The following AP2A2 variants were observed in gnomAD, a reference collection of about 807,000 sequenced individuals.
AP2A2 encodes AP-2 complex subunit alpha-2.
AP2A2 carries 32 observed loss-of-function variants against 104.2 expected under a neutral mutation model. The ratio of observed to expected loss-of-function variants is 0.31; its 90% CI spans 0.23 to 0.41. The LOEUF is 0.41. AP2A2 is among the 10% of genes least tolerant of loss of function. AP2A2 has a pLI of 1.00. For synonymous variants in AP2A2, 539 were observed against 533.3 expected (o/e 1.01, Z -0.15); for missense variants, 912 against 1,261.0 (o/e 0.72, Z 4.19).
At chr11:998,526 A>C (rs991477071) in intron 14 of AP2A2, among the ~76,000 whole-genome samples, 1 of 151,908 alleles carries the variant, frequency 6.6e-6, no homozygotes, top group Non-Finnish European at 1.5e-5. Context: ...ATTACAAACT[A>C]ATTTTTTACC....
At chr11:1,000,667 G>T (rs1038989176) in intron 15 of AP2A2, 69 bp downstream of exon 15, 6 of 1,463,246 alleles carry the variant, frequency 4.1e-6, no homozygotes, top group Admixed American at 2.2e-5. Flanking sequence ...TGGTGTGGCC[G>T]CGGCCAGCTG....
chr11:960,223 A>G (rs1008038442), intron 2 of AP2A2, among the ~76,000 whole-genome samples: 1 of 149,786 alleles, frequency 6.7e-6, no homozygotes, highest in Admixed American at 6.8e-5. Flanking sequence ...TTGAGAATGG[A>G]TATCCAGTAG....
Position 1,010,643 on chromosome 11 carries a change from C to G in AP2A2, c.*18C>G, listed in dbSNP as rs763950230. On this transcript the variant is annotated 3_prime_UTR_variant, in exon 22 of 22. Transcript: ENST00000448903. ...AGTTTTAGTCCTGAGGATGGAAGACCAGGCTCGTGTGTCTTGTGTTGTCTT... is the reference window on the plus strand; with the variant it reads ...AGTTTTAGTCCTGAGGATGGAAGACGAGGCTCGTGTGTCTTGTGTTGTCTT... 6.4e-7 allele frequency: 1 copy of G among 1,569,334 alleles called. No homozygotes were observed. The highest frequency in any genetic ancestry group is 8.7e-7 in the Non-Finnish European group (1 of 1,153,866).
chr11:957,384 C>A (rs1854272343), intron 1 of AP2A2, among the ~76,000 whole-genome samples: 1 of 152,190 alleles, frequency 6.6e-6, no homozygotes, highest in Non-Finnish European at 1.5e-5. Context: ...GATCTAAACC[C>A]AGCAGGGCCT....
chr11:994,022 G>A (rs1855756292), intron 13 of AP2A2, 37 bp downstream of exon 13: 2 of 1,609,342 alleles, frequency 1.2e-6, no homozygotes, highest in Non-Finnish European at 1.7e-6. Flanking sequence ...GCTTGGCTGA[G>A]GGTTGGAGGC....
chr11:1,004,725 G>C (rs1005317740), intron 16 of AP2A2, among the ~76,000 whole-genome samples: 2 of 150,566 alleles, frequency 1.3e-5, no homozygotes, highest in African/African-American at 4.9e-5. Context: ...GCAGTGAGCT[G>C]AGATCTTGCC....
chr11:984,455 C>T (rs538824411), intron 6 of AP2A2, among the ~76,000 whole-genome samples, 190 bp from the exon 7 acceptor site: 144 of 152,246 alleles, frequency 9.5e-4, no homozygotes, highest in Middle Eastern at 3.4e-3. Flanking sequence ...AGCGTGTTGC[C>T]GAGTGACAGT....
At chr11:1,008,377 G>A (rs1324129589) in intron 18 of AP2A2, 1 of 526,328 alleles carries the variant, frequency 1.9e-6, no homozygotes, top group Non-Finnish European at 3.2e-6. Context: ...GCCTTGCTAG[G>A]ATCTTTCTGG....
chr11:977,336 G>C, intron 5 of AP2A2, 112 bp downstream of exon 5: 3 of 1,392,856 alleles, frequency 2.2e-6, no homozygotes, highest in Non-Finnish European at 2.9e-6. Context: ...GCTGTCACAG[G>C]GGCTGCTGTG....
At chr11:962,036 G>A (rs191352105) in intron 2 of AP2A2, among the ~76,000 whole-genome samples, 27 of 152,344 alleles carry the variant, frequency 1.8e-4, no homozygotes, top group Admixed American at 5.9e-4. Flanking sequence ...TCTGACAGTC[G>A]CCGCCACCTG....
At chr11:999,843 G>A (rs1310288181) in intron 14 of AP2A2, among the ~76,000 whole-genome samples, 3 of 134,938 alleles carry the variant, frequency 2.2e-5, no homozygotes, top group East Asian at 2.1e-4. Context: ...TCGCTCTGTC[G>A]CCCAGGCTGG....
Position 926,080 on chromosome 11 carries a change from T to C in AP2A2, c.59T>C (p.Ile20Thr). The change falls in exon 1 of 22, where the codon ATC (isoleucine) becomes ACC (threonine). Residue 20 changes from isoleucine (I) to threonine (T), a missense_variant. Around this residue, in one of 7 missense-constraint regions of AP2A2, gnomAD observed 43 missense variants for 47.0 expected, o/e 0.91. Coordinates refer to ENST00000448903, the MANE Select transcript of AP2A2 (RefSeq NM_012305.4). ...GGCCTGGCGGTCTTCATCTCGGATA[T>C]CCGCAACTGTGAGTGGCGGGGGCGG... ...MRGLAVFISD[I>T]RNCKSKEAEI... is the part of the protein sequence containing the mutation. The C allele has an allele frequency of 7.4e-7, 1 of 1,350,294 alleles. No individual in the cohort carries two copies. The allele number at this position is 1,350,294 out of a possible 1,614,324, so 83.6% of individuals were successfully genotyped here. A position where few individuals can be genotyped will look rare whatever the true frequency, so the allele number is the denominator to read the frequency against.
At position 1,011,490 on chromosome 11, in the gene AP2A2, G is replaced by A. The variant is rs7950955; in HGVS notation, c.*865G>A. ...TCGTCCCTGGAGGGGCTGTGGAGGA[G>A]GGACGCCTCTGTGTGGTCAGGAAGT... On this transcript the variant is annotated 3_prime_UTR_variant, in exon 22 of 22. Transcript: ENST00000448903. 0.51 allele frequency: 249,729 copies of A among 494,460 alleles called. 65,752 individuals carry two copies. Among genetic ancestry groups the A allele is most frequent in the Admixed American group, 0.66 (31,488 of 47,362 alleles). The allele number at this position is 494,460 out of a possible 1,614,324, so 30.6% of individuals were successfully genotyped here.
chr11:933,225 G>A (rs1228270808), intron 1 of AP2A2, among the ~76,000 whole-genome samples: 1 of 152,120 alleles, frequency 6.6e-6, no homozygotes, highest in Non-Finnish European at 1.5e-5. Flanking sequence ...CCAAGATTGC[G>A]CCACTGCACT....
At chr11:970,348 C>T (rs184785066) in intron 3 of AP2A2, 37 bp downstream of exon 3, 34 of 1,604,554 alleles carry the variant, frequency 2.1e-5, no homozygotes, top group African/African-American at 2.7e-5. Flanking sequence ...CAGAGGATGG[C>T]GTGGGCCTGG....
intron 9 of AP2A2, among the ~76,000 whole-genome samples, chr11:988,183 C>T (rs1050038354): frequency 2.0e-5 from 3 of 152,166 alleles, no homozygotes; most frequent in African/African-American, 4.8e-5. Context: ...GCTCCGTGTC[C>T]GAGGCAGTGG....
At chr11:970,972 A>G (rs1161078927) in intron 3 of AP2A2, among the ~76,000 whole-genome samples, 1 of 152,174 alleles carries the variant, frequency 6.6e-6, no homozygotes, top group African/African-American at 2.4e-5. Flanking sequence ...CAGTCACATT[A>G]TTTCTATGTT....
chr11:953,810 G>A (rs2134538142), intron 1 of AP2A2, among the ~76,000 whole-genome samples: 1 of 151,416 alleles, frequency 6.6e-6, no homozygotes, highest in South Asian at 2.1e-4. Context: ...GCCGAGACGT[G>A]ACACTACTCT....
At position 1,008,065 on chromosome 11, in the gene AP2A2, G is replaced by A. The variant is rs777722834; in HGVS notation, c.2350G>A (p.Val784Met). 29 of 1,592,434 alleles carry A rather than the reference G, an allele frequency of 1.8e-5. No individual in the cohort carries two copies. The highest frequency in any genetic ancestry group is 2.4e-5 in the Non-Finnish European group (28 of 1,170,362). ...CCCGACCGTGGAGGGGGGCGCGCAG[G>A]TGCAGCAGGTGGTCAACATAGAGTG... is the stretch of plus-strand genomic sequence containing the variant. ...VDPTVEGGAQ[V>M]QQVVNIECVS... is the part of the protein sequence containing the mutation. The change falls in exon 18 of 22, where the codon GTG becomes ATG. Residue 784 changes from valine to methionine, a missense_variant. Transcript: ENST00000448903.
Sources: gnomAD v4.1 joint callset for allele counts (sites outside exome capture counted in the v4.1 genomes callset) on GRCh38, gnomAD v4.1.1 for gene constraint, gnomAD v4.1.1 regional missense constraint, MANE v1.5 for transcripts, NCBI Gene and HGNC (gene_info 2026-07-23, HGNC 2026-07-21) for gene names.